The following ZNF804A variants were observed in gnomAD, a reference collection of about 807,000 sequenced individuals.
ZNF804A encodes zinc finger protein 804A.
ZNF804A carries 2 observed loss-of-function variants against 16.5 expected under a neutral mutation model. The ratio of observed to expected loss-of-function variants is 0.12; its 90% CI spans 0.05 to 0.38. ZNF804A has a LOEUF of 0.38. ZNF804A is among the 10% of genes least tolerant of loss of function. The probability of loss-of-function intolerance (pLI) is 0.99; values close to 1 mark genes in which losing one functional copy is unlikely to be tolerated. For synonymous variants in ZNF804A, 534 were observed against 489.6 expected (o/e 1.09, Z -1.20); for missense variants, 1,473 against 1,390.7 (o/e 1.06, Z -0.94).
At chr2:184,871,804 T>C (rs1661433671) in intron 2 of ZNF804A, among the ~76,000 whole-genome samples, 1 of 151,846 alleles carries the variant, frequency 6.6e-6, no homozygotes, top group African/African-American at 2.4e-5. Context: ...ACTAGGAGAA[T>C]AAAAACAGAT....
chr2:184,687,891 G>T (rs1692663735), intron 1 of ZNF804A, among the ~76,000 whole-genome samples: 1 of 152,140 alleles, frequency 6.6e-6, no homozygotes, highest in African/African-American at 2.4e-5. Flanking sequence ...GGCCAAGGCG[G>T]GTGGATCAAC....
chr2:184,802,243 A>G (rs537961550), intron 1 of ZNF804A, among the ~76,000 whole-genome samples: 1 of 152,300 alleles, frequency 6.6e-6, no homozygotes, highest in African/African-American at 2.4e-5. Context: ...TAGGAGAGAC[A>G]TGAAAGTTAC....
rs138277674 is a variant in ZNF804A, at chr2:184,938,753, A to G, written c.3357A>G (p.Ala1119=). The G allele has an allele frequency of 2.8e-3, 4,588 of 1,613,130 alleles. 15 individuals carry two copies. The highest frequency in any genetic ancestry group is 3.5e-3 in the Non-Finnish European group (4,071 of 1,179,660). Residue 1119 remains alanine (A), a synonymous_variant, in exon 4 of 4, where the codon GCA becomes GCG. Transcript: ENST00000302277. The part of the protein sequence containing the change: ...AAAAAAAAAA[A]GTFKVLQPHQ... ...CAGCTGCAGCTGCAGCCGCAGCTGC[A>G]GGAACCTTTAAAGTGCTTCAGCCAC... is the stretch of plus-strand genomic sequence containing the variant.
At chr2:184,665,535 T>C (rs114105866) in intron 1 of ZNF804A, among the ~76,000 whole-genome samples, 56 of 152,308 alleles carry the variant, frequency 3.7e-4, no homozygotes, top group Non-Finnish European at 6.9e-4. Flanking sequence ...ACACCATACA[T>C]TTATTATCTC....
intron 1 of ZNF804A, among the ~76,000 whole-genome samples, chr2:184,858,427 C>G (rs1448282256): frequency 6.6e-6 from 1 of 150,864 alleles, no homozygotes; most frequent in Non-Finnish European, 1.5e-5. Context: ...TCACTTGAAC[C>G]TGGGAGGTGA....
chr2:184,820,659 T>C lies in ZNF804A; in HGVS notation c.112-45710T>C, dbSNP rs541448535. On this transcript the variant is annotated intron_variant, in intron 1 of 3. Transcript: ENST00000302277. ...TTTGCCAATGACATGATCCTATATATAGAAAATCCCATCATTTCAGCCCAG... is the reference window on the plus strand; with the variant it reads ...TTTGCCAATGACATGATCCTATATACAGAAAATCCCATCATTTCAGCCCAG... Among the ~76,000 whole-genome samples the C allele has an allele frequency of 2.6e-5, 4 of 152,140 alleles. No individual in the cohort carries two copies. The East Asian group carries it at 7.7e-4, about 29-fold the overall frequency.
At position 184,888,997 on chromosome 2, in the gene ZNF804A, C is replaced by CT. The variant is rs538597669; in HGVS notation, c.255+22491dup. Among the ~76,000 whole-genome samples the CT allele has an allele frequency of 3.8e-4, 57 of 151,668 alleles. No homozygotes were observed. In the East Asian group the frequency reaches 8.7e-3, roughly 23 times the overall value. On this transcript the variant is annotated intron_variant, in intron 2 of 3. Coordinates refer to ENST00000302277, the MANE Select transcript of ZNF804A (RefSeq NM_194250.2). ...CGTTTATTTTACCCTAAAAACAAAA[C>CT]TTTTTTCTGTTCTGTGTATGTGTGC...
chr2:184,656,470 A>C (rs2105703515), intron 1 of ZNF804A, among the ~76,000 whole-genome samples: 1 of 152,262 alleles, frequency 6.6e-6, no homozygotes, highest in South Asian at 2.1e-4. Flanking sequence ...TGAAGAAATT[A>C]AGCAAAGGTG....
At chr2:184,700,458 G>A (rs1055975022) in intron 1 of ZNF804A, among the ~76,000 whole-genome samples, 1 of 152,042 alleles carries the variant, frequency 6.6e-6, no homozygotes, top group Non-Finnish European at 1.5e-5. Context: ...AGAATTATAT[G>A]AAGTCCATTT....
rs137881597 is a variant in ZNF804A at position 184,919,595 on chromosome 2, A to G, written c.256-14008A>G. ...GTCTTCCTGTTTTTCTCCCATTCAC[A>G]GAAGTCTATCCACATACCCAATCCT... On this transcript the variant is annotated intron_variant, in intron 2 of 3. Transcript: ENST00000302277. Among the ~76,000 whole-genome samples, 161 of 152,308 alleles carry G rather than the reference A, an allele frequency of 1.1e-3. 2 individuals are homozygous for G. The highest frequency in any genetic ancestry group is 3.6e-3 in the African/African-American group (151 of 41,566).
intron 2 of ZNF804A, among the ~76,000 whole-genome samples, chr2:184,899,696 A>AAATAC (rs1020073555): frequency 1.3e-5 from 2 of 151,974 alleles, no homozygotes; most frequent in African/African-American, 4.8e-5. Context: ...GTAACATTTA[A>AAATAC]AATACATCTT....
intron 1 of ZNF804A, among the ~76,000 whole-genome samples, chr2:184,815,236 T>C (rs903968871): frequency 1.3e-5 from 2 of 151,800 alleles, no homozygotes; most frequent in African/African-American, 4.8e-5. Context: ...TCAGTACCGA[T>C]AGATGCTGTT....
At chr2:184,869,744 C>G (rs556403785) in intron 2 of ZNF804A, among the ~76,000 whole-genome samples, 1 of 152,082 alleles carries the variant, frequency 6.6e-6, no homozygotes, top group East Asian at 1.9e-4. Context: ...GTCTTTAAAA[C>G]ACATCCAGGT....
chr2:184,776,244 A>G (rs1694283285), intron 1 of ZNF804A, among the ~76,000 whole-genome samples: 1 of 151,576 alleles, frequency 6.6e-6, no homozygotes, highest in Non-Finnish European at 1.5e-5. Context: ...GCTATAGAAG[A>G]GTTGAGGGAA....
chr2:184,850,304 A>G (rs1421847406), intron 1 of ZNF804A, among the ~76,000 whole-genome samples: 3 of 151,902 alleles, frequency 2.0e-5, no homozygotes, highest in African/African-American at 4.8e-5. Flanking sequence ...GTTAGACATT[A>G]TATGCCTATA....
chr2:184,934,154 T>C (rs1685748609), intron 3 of ZNF804A, among the ~76,000 whole-genome samples: 1 of 152,118 alleles, frequency 6.6e-6, no homozygotes. Flanking sequence ...TGTTTAAGAT[T>C]CTTTTTCTAA....
intron 2 of ZNF804A, among the ~76,000 whole-genome samples, chr2:184,904,379 T>C (rs1003934460): frequency 1.3e-5 from 2 of 152,078 alleles, no homozygotes; most frequent in African/African-American, 4.8e-5. Context: ...TGTTAGAACT[T>C]AGTCCCATAC....
chr2:184,726,217 C>G (rs1693407412), intron 1 of ZNF804A, among the ~76,000 whole-genome samples: 2 of 151,624 alleles, frequency 1.3e-5, no homozygotes, highest in Non-Finnish European at 3.0e-5. Flanking sequence ...TCCCATTTCC[C>G]AGAGTGTTTG....
At chr2:184,704,090 A>C (rs887212276) in intron 1 of ZNF804A, among the ~76,000 whole-genome samples, 5 of 152,132 alleles carry the variant, frequency 3.3e-5, no homozygotes, top group Non-Finnish European at 5.9e-5. Flanking sequence ...CTGATAAGTG[A>C]ATCTATAGTA....
Sources: allele counts gnomAD v4.1 joint callset (sites outside exome capture counted in the v4.1 genomes callset), GRCh38; gene constraint gnomAD v4.1.1; transcripts MANE v1.5; gene names NCBI Gene and HGNC (gene_info 2026-07-23, HGNC 2026-07-21).